The following ADAMTS9 variants were observed in gnomAD, a reference collection of about 807,000 sequenced individuals.
The protein encoded by ADAMTS9 is ADAM metallopeptidase with thrombospondin type 1 motif 9, also known as A disintegrin and metalloproteinase with thrombospondin motifs 9.
Under a neutral mutation model 257.1 loss-of-function variants are expected in ADAMTS9, and 107 were observed. That is an observed-to-expected ratio of 0.42 (90% CI 0.36 to 0.49). The LOEUF is 0.49. Among genes scored for constraint, ADAMTS9 ranks in the 20% least tolerant of loss-of-function variants. ADAMTS9 has a pLI of 0.03. For missense variants in ADAMTS9, 2,353 were observed against 2,469.1 expected (o/e 0.95, Z 1.00); for synonymous variants, 982 against 880.9 (o/e 1.11, Z -2.03).
At chr3:64,548,265 C>A (rs971577915) in intron 31 of ADAMTS9, among the ~76,000 whole-genome samples, 2 of 152,172 alleles carry the variant, frequency 1.3e-5, no homozygotes, top group Middle Eastern at 3.2e-3. Context: ...GCTAGAGGCA[C>A]GCAGAGCATC....
At chr3:64,656,338 G>A (rs892523776) in intron 4 of ADAMTS9, among the ~76,000 whole-genome samples, 5 of 152,220 alleles carry the variant, frequency 3.3e-5, no homozygotes, top group African/African-American at 1.2e-4. Context: ...AATTATAGGA[G>A]CTAACATTTA....
chr3:64,597,155 G>A (rs982130364), intron 26 of ADAMTS9, among the ~76,000 whole-genome samples, 164 bp from the exon 27 acceptor site: 1 of 152,160 alleles, frequency 6.6e-6, no homozygotes, highest in Non-Finnish European at 1.5e-5. Context: ...CCACTGTGGG[G>A]CTGTTTCATG....
intron 16 of ADAMTS9, among the ~76,000 whole-genome samples, chr3:64,626,179 C>A (rs59533277): frequency 0.26 from 39,625 of 152,068 alleles, 6,719 homozygotes; most frequent in East Asian, 0.51. Context: ...TTTGTATGTA[C>A]TGTCTCCTTA....
intron 16 of ADAMTS9, among the ~76,000 whole-genome samples, chr3:64,627,451 C>T (rs1198318257): frequency 6.6e-6 from 1 of 152,048 alleles, no homozygotes; most frequent in Non-Finnish European, 1.5e-5. Flanking sequence ...CACAATTAAT[C>T]AAGAGCTAAG....
intron 22 of ADAMTS9, among the ~76,000 whole-genome samples, chr3:64,608,712 T>C (rs1398885994): frequency 6.6e-6 from 1 of 151,646 alleles, no homozygotes; most frequent in East Asian, 1.9e-4. Flanking sequence ...AAATAAACAT[T>C]AATACCAATC....
chr3:64,662,902 T>G (rs1701258988), intron 3 of ADAMTS9, among the ~76,000 whole-genome samples: 1 of 152,114 alleles, frequency 6.6e-6, no homozygotes, highest in Non-Finnish European at 1.5e-5. Context: ...AACACAAACT[T>G]TATTTCATGC....
chr3:64,516,763 C>T lies in ADAMTS9; in HGVS notation c.*364G>A, dbSNP rs188267781. The T allele has an allele frequency of 6.6e-6, 1 of 152,670 alleles. No individual in the cohort carries two copies. Among genetic ancestry groups the T allele is most frequent in the East Asian group, 1.9e-4 (1 of 5,188 alleles). The allele number at this position is 152,670 out of a possible 1,614,324, so 9.5% of individuals were successfully genotyped here. A position where few individuals can be genotyped will look rare whatever the true frequency, so the allele number is the denominator to read the frequency against. On this transcript the variant is annotated 3_prime_UTR_variant, in exon 40 of 40. Transcript: ENST00000498707. Reference sequence around the variant, plus strand: ...TAAAAAAGTAACAATAAAACATTTACAGATGAAAAGTAAACAATAGTGTAC... The same window carrying T: ...TAAAAAAGTAACAATAAAACATTTATAGATGAAAAGTAAACAATAGTGTAC...
At chr3:64,629,861 C>A (rs1328600005) in intron 16 of ADAMTS9, among the ~76,000 whole-genome samples, 2 of 152,274 alleles carry the variant, frequency 1.3e-5, no homozygotes, top group African/African-American at 2.4e-5. Context: ...ACTTGATTAG[C>A]ATGCTTAGCT....
chr3:64,555,449 A>G (rs2083321419), intron 30 of ADAMTS9, among the ~76,000 whole-genome samples: 1 of 152,148 alleles, frequency 6.6e-6, no homozygotes, highest in Non-Finnish European at 1.5e-5. Flanking sequence ...GGCAGCCTCC[A>G]TGGCTTCGTA....
At chr3:64,642,268 A>T (rs1247321538) in intron 11 of ADAMTS9, among the ~76,000 whole-genome samples, 14 of 152,044 alleles carry the variant, frequency 9.2e-5, no homozygotes, top group Admixed American at 9.2e-4. Flanking sequence ...GCTTCAAACC[A>T]CTCAATTAGT....
intron 38 of ADAMTS9, among the ~76,000 whole-genome samples, chr3:64,529,439 G>C (rs1305897810): frequency 6.6e-6 from 1 of 151,042 alleles, no homozygotes; most frequent in African/African-American, 2.4e-5. Flanking sequence ...TTTCCCTTCT[G>C]TAACTCCTGG....
chr3:64,556,713 T>TC (rs2083338784), intron 30 of ADAMTS9, among the ~76,000 whole-genome samples: 2 of 76,906 alleles, frequency 2.6e-5, no homozygotes, highest in African/African-American at 4.2e-5. Flanking sequence ...TTCTATGTTT[T>TC]TTTCCTTCCT....
Position 64,658,598 on chromosome 3 carries a change from A to G in ADAMTS9, c.873T>C (p.Tyr291=). ...CCACCAAGACTTCTACAAACCGTGGATAGGATAAAAAACGTTTTGTCCTTC... is the reference window on the plus strand; with the variant it reads ...CCACCAAGACTTCTACAAACCGTGGGTAGGATAAAAAACGTTTTGTCCTTC... ...THRRTKRFLS[Y]PRFVEVLVVA... The change falls in exon 4 of 40, where the codon TAT becomes TAC. Residue 291 remains tyrosine (Y), a synonymous_variant. Transcript: ENST00000498707. 1 of 1,614,072 alleles carries G rather than the reference A, an allele frequency of 6.2e-7. No individual in the cohort carries two copies. The highest frequency in any genetic ancestry group is 8.5e-7 in the Non-Finnish European group (1 of 1,180,012).
chr3:64,648,726 A>G (rs1700858260), intron 10 of ADAMTS9, among the ~76,000 whole-genome samples: 1 of 152,120 alleles, frequency 6.6e-6, no homozygotes, highest in Non-Finnish European at 1.5e-5. Context: ...AAAATTGTTT[A>G]TCTTGTTATC....
chr3:64,526,003 TTTA>T (rs2082905566), intron 38 of ADAMTS9, among the ~76,000 whole-genome samples: 1 of 147,536 alleles, frequency 6.8e-6, no homozygotes, highest in Non-Finnish European at 1.5e-5. Context: ...TTTTATATAT[TTTA>T]TATTTATATA....
At chr3:64,659,498 T>C (rs1446919159) in intron 3 of ADAMTS9, among the ~76,000 whole-genome samples, 2 of 142,070 alleles carry the variant, frequency 1.4e-5, no homozygotes, top group Non-Finnish European at 1.5e-5. Flanking sequence ...AAAAAGGAAA[T>C]GTTTCATATA....
chr3:64,607,098 A>G lies in ADAMTS9; in HGVS notation c.3355-19T>C. On this transcript the variant is annotated intron_variant, in intron 22 of 39. Transcript: ENST00000498707. ...CACTGCACTGGAAGAAGGAGGACAA[A>G]AGGTATATACAATTCAGCAAATCTT... The G allele has an allele frequency of 1.2e-6, 2 of 1,612,846 alleles. No homozygotes were observed. The highest frequency in any genetic ancestry group is 8.5e-7 in the Non-Finnish European group (1 of 1,179,514).
chr3:64,542,430 C>CTTTCTTTTTT (rs56347750), intron 32 of ADAMTS9, among the ~76,000 whole-genome samples: 4 of 124,548 alleles, frequency 3.2e-5, no homozygotes, highest in Non-Finnish European at 6.4e-5. Context: ...TTCTTTCTTT[C>CTTTCTTTTTT]TTTTTTTTTT....
At chr3:64,571,755 A>C (rs539897300) in intron 28 of ADAMTS9, among the ~76,000 whole-genome samples, 1 of 152,336 alleles carries the variant, frequency 6.6e-6, no homozygotes, top group African/African-American at 2.4e-5. Context: ...CCAATGAAGA[A>C]AAGCAGCTGC....
Sources: allele counts gnomAD v4.1 joint callset (sites outside exome capture counted in the v4.1 genomes callset), GRCh38; gene constraint gnomAD v4.1.1; transcripts MANE v1.5; gene names NCBI Gene and HGNC (gene_info 2026-07-23, HGNC 2026-07-21).